MIPEP: variants seen among roughly 807,000 people sequenced by gnomAD.
MIPEP encodes mitochondrial intermediate peptidase.
MIPEP carries 79 observed loss-of-function variants against 90.3 expected under a neutral mutation model. The ratio of observed to expected loss-of-function variants is 0.87; its 90% confidence interval spans 0.73 to 1.05. MIPEP has a LOEUF of 1.05. Among genes scored for constraint, MIPEP ranks in the 50% least tolerant of loss-of-function variants. MIPEP has a pLI of 0.00. For synonymous variants in MIPEP, 334 were observed against 315.8 expected (o/e 1.06, Z -0.61); for missense variants, 940 against 905.6 (o/e 1.04, Z -0.49).
intron 5 of MIPEP, among the ~76,000 whole-genome samples, chr13:23,873,815 C>G (rs1870940097): frequency 6.6e-6 from 1 of 152,126 alleles, no homozygotes; most frequent in South Asian, 2.1e-4. Context: ...AACGTGGTCA[C>G]CTTAGGCAAT....
intron 18 of MIPEP, among the ~76,000 whole-genome samples, chr13:23,740,212 A>G (rs1952311385): frequency 6.6e-6 from 1 of 152,178 alleles, no homozygotes. Context: ...GGGCCAACAA[A>G]TGAGGAAGCT....
At chr13:23,881,926 A>G in intron 2 of MIPEP, 139 bp from the exon 3 acceptor site, 1 of 630,512 alleles carries the variant, frequency 1.6e-6, no homozygotes, top group Non-Finnish European at 2.8e-6. Flanking sequence ...CTTTTTCCTA[A>G]GCGAGTAAAG....
chr13:23,759,405 C>T (rs1368960548), intron 17 of MIPEP, among the ~76,000 whole-genome samples: 3 of 150,036 alleles, frequency 2.0e-5, no homozygotes, highest in Non-Finnish European at 3.0e-5. Flanking sequence ...CAGGATCCCC[C>T]GCAACCCCTC....
chr13:23,812,034 A>G (rs1337981888), intron 14 of MIPEP, among the ~76,000 whole-genome samples: 5 of 152,118 alleles, frequency 3.3e-5, no homozygotes, highest in South Asian at 4.2e-4. Context: ...AGCTGTGACA[A>G]TATTTTCTCA....
intron 14 of MIPEP, among the ~76,000 whole-genome samples, chr13:23,820,834 G>C (rs1422877580): frequency 1.3e-5 from 2 of 152,196 alleles, no homozygotes; most frequent in Non-Finnish European, 2.9e-5. Context: ...ACACTAATTT[G>C]CCTTTCCTTA....
chr13:23,794,890 T>C (rs1208976150), intron 16 of MIPEP, among the ~76,000 whole-genome samples: 3 of 152,248 alleles, frequency 2.0e-5, no homozygotes, highest in African/African-American at 4.8e-5. Context: ...TTCTGTGTTT[T>C]AGTTACAAAG....
At position 23,740,277 on chromosome 13, in the gene MIPEP, G is replaced by C. The variant is rs561299240; in HGVS notation, c.2045-9832C>G. Among the ~76,000 whole-genome samples, 10 of 152,240 alleles carry C rather than the reference G, an allele frequency of 6.6e-5. No homozygotes were observed. The South Asian group carries it at 1.7e-3, about 25-fold the overall frequency. ...TGGCCAGATGTGTTCTTCCAGGATT[G>C]AGTCTTGAGCCGAATGCAGAAAGGT... is the stretch of plus-strand genomic sequence containing the variant. On this transcript the variant is annotated intron_variant, in intron 18 of 18. Transcript: ENST00000382172.
intron 10 of MIPEP, among the ~76,000 whole-genome samples, chr13:23,851,562 C>G (rs973087507): frequency 6.6e-6 from 1 of 152,140 alleles, no homozygotes; most frequent in East Asian, 1.9e-4. Context: ...CTGGGAACAC[C>G]ACAGAGATCC....
chr13:23,837,751 G>A lies in MIPEP; in HGVS notation c.1344C>T (p.Cys448=). 3 of 1,608,122 alleles carry A rather than the reference G, an allele frequency of 1.9e-6. No homozygotes were observed. Among genetic ancestry groups the A allele is most frequent in the Non-Finnish European group, 2.6e-6 (3 of 1,174,710 alleles). The part of the protein sequence containing the change: ...FQRADKPHQD[C]HFTIRGGRLK... Reference sequence around the variant, plus strand: ...GTCTGCCTCCACGGATAGTGAAATGGCAATCCTTTAAGAATCAGAAAACAT... The same window carrying A: ...GTCTGCCTCCACGGATAGTGAAATGACAATCCTTTAAGAATCAGAAAACAT... The change falls in exon 13 of 19, where the codon TGC becomes TGT. Residue 448 remains cysteine (C), a synonymous_variant. Coordinates refer to ENST00000382172, the MANE Select transcript of MIPEP (RefSeq NM_005932.4).
At chr13:23,861,725 C>T (rs758121932) in intron 9 of MIPEP, among the ~76,000 whole-genome samples, 3 of 152,094 alleles carry the variant, frequency 2.0e-5, no homozygotes, top group Non-Finnish European at 4.4e-5. Context: ...TCTGGACTCT[C>T]GACACTTTTC....
chr13:23,871,030 CA>C lies in MIPEP; in HGVS notation c.604-836del, dbSNP rs200188758. Among the ~76,000 whole-genome samples, 1,418 of 152,238 alleles carry C rather than the reference CA, an allele frequency of 9.3e-3. 8 individuals carry two copies. The highest frequency in any genetic ancestry group is 0.015 in the Non-Finnish European group (991 of 68,018). On this transcript the variant is annotated intron_variant, in intron 5 of 18. Coordinates refer to ENST00000382172, the MANE Select transcript of MIPEP (RefSeq NM_005932.4). ...TGGGCAACAAAGCGAGACCCTGTCT[CA>C]GGGGGGAATAAAGTTCTGATTTTGC...
chr13:23,760,456 T>A, intron 16 of MIPEP: 1 of 698,226 alleles, frequency 1.4e-6, no homozygotes, highest in East Asian at 3.0e-5. Context: ...AGAATGTGAC[T>A]TATTAGGAGA....
At chr13:23,859,723 A>C (rs2068167699) in intron 9 of MIPEP, among the ~76,000 whole-genome samples, 1 of 152,228 alleles carries the variant, frequency 6.6e-6, no homozygotes, top group South Asian at 2.1e-4. Flanking sequence ...TACCTCCCAA[A>C]GAAGACTGCT....
At chr13:23,752,802 T>G (rs528882036) in intron 18 of MIPEP, among the ~76,000 whole-genome samples, 138 of 152,246 alleles carry the variant, frequency 9.1e-4, no homozygotes, top group Middle Eastern at 3.4e-3. Context: ...CTATAATATA[T>G]ATATTTATGT....
chr13:23,812,749 C>G (rs1313449414), intron 14 of MIPEP, among the ~76,000 whole-genome samples: 1 of 152,198 alleles, frequency 6.6e-6, no homozygotes, highest in Non-Finnish European at 1.5e-5. Context: ...GACATAGGAC[C>G]TCTCTGCATT....
chr13:23,775,111 G>GTGTGTGT (rs1378602513), intron 16 of MIPEP, among the ~76,000 whole-genome samples: 9 of 6,994 alleles, frequency 1.3e-3, no homozygotes, highest in African/African-American at 2.5e-3. Context: ...TCAGTTCTCT[G>GTGTGTGT]TGTGTGTGTG....
chr13:23,881,334 A>C (rs1218265823), intron 3 of MIPEP, among the ~76,000 whole-genome samples: 2 of 152,214 alleles, frequency 1.3e-5, no homozygotes, highest in African/African-American at 2.4e-5. Flanking sequence ...CCCTTATTTA[A>C]GGTAAGTGAT....
In MIPEP at chr13:23,889,370, C is replaced by T; in HGVS notation, c.-50G>A. 1 of 1,242,672 alleles carries T rather than the reference C, an allele frequency of 8.0e-7. No homozygotes were observed. The allele number at this position is 1,242,672 out of a possible 1,614,324, so 77.0% of individuals were successfully genotyped here. ...TCCAACGCAGATCCCTGCCCTGCTG[C>T]TTTCGCTGGGAGCGCGCGCTCCGCG... On this transcript the variant is annotated 5_prime_UTR_variant, in exon 1 of 19. Transcript: ENST00000382172.
rs1953102953 is a variant in MIPEP at position 23,806,031 on chromosome 13, C to T, written c.1767G>A (p.Lys589=). 4 of 1,613,476 alleles carry T rather than the reference C, an allele frequency of 2.5e-6. No homozygotes were observed. The highest frequency in any genetic ancestry group is 3.4e-6 in the Non-Finnish European group (4 of 1,179,494). ...CTGTGGTTGAATTCCTCAGGGGATG[C>T]TTCCCATGGTAGATTTGATCCAGAG... ...YATLDQIYHG[K]HPLRNSTTDI... The change falls in exon 16 of 19, where the codon AAG becomes AAA. Residue 589 remains lysine, a synonymous_variant. Transcript: ENST00000382172.
Sources: gnomAD v4.1 joint callset for allele counts (sites outside exome capture counted in the v4.1 genomes callset) on GRCh38, gnomAD v4.1.1 for gene constraint, MANE v1.5 for transcripts, NCBI Gene and HGNC (gene_info 2026-07-23, HGNC 2026-07-21) for gene names.